DCTN1: variants seen among roughly 807,000 people sequenced by gnomAD.
DCTN1 encodes dynactin subunit 1.
A neutral mutation model predicts 161.2 loss-of-function variants in DCTN1; 61 were observed. That is an observed-to-expected ratio of 0.38 (90% CI 0.31 to 0.47). The LOEUF (loss-of-function observed/expected upper bound fraction) is 0.47, where lower values mean the gene tolerates loss of function less well. DCTN1 is among the 20% of genes least tolerant of loss of function. The pLI, the probability that DCTN1 is intolerant of heterozygous loss-of-function variation, is 0.99. For missense variants in DCTN1, 1,404 were observed against 1,623.7 expected (o/e 0.86, Z 2.33); for synonymous variants, 653 against 632.4 (o/e 1.03, Z -0.49).
Position 74,362,723 on chromosome 2 carries a change from T to C in DCTN1, c.3536A>G (p.Lys1179Arg), listed in dbSNP as rs1296425869. 4 of 1,613,960 alleles carry C rather than the reference T, an allele frequency of 2.5e-6. No individual in the cohort carries two copies. Among genetic ancestry groups the C allele is most frequent in the South Asian group, 1.1e-5 (1 of 91,042 alleles). ...VDITRTSPAAKSPSAQLMEQV... is the reference protein window; with the variant it reads ...VDITRTSPAARSPSAQLMEQV... ...CTCCATAAGTTGGGCCGACGGGCTC[T>C]TGGCAGCTGTGGGGAGAGAAAGCTG... Residue 1179 changes from lysine to arginine, a missense_variant, in exon 30 of 32, where the codon AAG becomes AGG. Coordinates refer to ENST00000628224, the MANE Select transcript of DCTN1 (RefSeq NM_004082.5).
rs564622531 is a variant in DCTN1 at position 74,390,305 on chromosome 2, A to G, written c.-19+1489T>C. 1.4e-3 allele frequency among the ~76,000 whole-genome samples: 209 copies of G among 152,020 alleles called. 1 individual carries two copies. The highest frequency in any genetic ancestry group is 2.5e-3 in the Non-Finnish European group (170 of 68,038). Reference sequence around the variant, plus strand: ...ACGGGTAACACTTCTTTCCTGTTTGATTGTTAAGAGATAATCTAGGACCAA... The same window carrying G: ...ACGGGTAACACTTCTTTCCTGTTTGGTTGTTAAGAGATAATCTAGGACCAA... On this transcript the variant is annotated intron_variant, in intron 1 of 27. Transcript: ENST00000409240.
chr2:74,391,646 C>CA (rs1465289406), intron 1 of DCTN1: 10 of 367,376 alleles, frequency 2.7e-5, no homozygotes. Context: ...GGCAAACGCT[C>CA]AGGCGGAGCC....
intron 31 of DCTN1, 134 bp downstream of exon 31, chr2:74,361,918 A>C: frequency 1.0e-6 from 1 of 966,436 alleles, no homozygotes; most frequent in Non-Finnish European, 1.6e-6. Context: ...CTTGTAAGTA[A>C]AATTTGGCCA....
rs201914453 is a variant in DCTN1, at chr2:74,366,003, G to T, written c.2776C>A (p.Leu926Met). The change falls in exon 24 of 32, where the codon CTG becomes ATG. Residue 926 changes from leucine to methionine, a missense_variant. Physicochemically the swap from Leu to Met is conservative, Grantham distance 15 (BLOSUM62 2). Around this residue, in one of 9 missense-constraint regions of DCTN1, gnomAD observed 475 missense variants for 489.8 expected, o/e 0.97. Coordinates refer to ENST00000628224, the MANE Select transcript of DCTN1 (RefSeq NM_004082.5). ...RPPSKPPPVE[L>M]RAAALRAEIT... ...TCTGCACGAAGGGCAGCAGCCCGCA[G>T]TTCAACCGGTGGAGGCTAAGGAATG... 1 of 1,614,254 alleles carries T rather than the reference G, an allele frequency of 6.2e-7. No homozygotes were observed. The highest frequency in any genetic ancestry group is 1.3e-5 in the African/African-American group (1 of 75,064).
At chr2:74,362,766 G>A (rs554095476) in intron 29 of DCTN1, 37 bp from the exon 30 acceptor site, 21 of 1,596,106 alleles carry the variant, frequency 1.3e-5, no homozygotes, top group South Asian at 8.9e-5. Context: ...CCACCAAGGC[G>A]CAGGCAGGCA....
Position 74,366,367 on chromosome 2 carries a change from C to T in DCTN1, c.2637G>A (p.Gly879=). Residue 879 remains glycine, a synonymous_variant, in exon 23 of 32, where the codon GGG becomes GGA. Transcript: ENST00000628224. ...ACTCATAGGGGCTGCTGGAGGGGGT[C>T]CCATAGATCTGCAGGAGCCAAGGGC... The part of the protein sequence containing the change: ...LAFKASEQIY[G]TPSSSPYECL... 1 of 1,614,214 alleles carries T rather than the reference C, an allele frequency of 6.2e-7. No individual in the cohort carries two copies. Among genetic ancestry groups the T allele is most frequent in the South Asian group, 1.1e-5 (1 of 91,090 alleles).
chr2:74,363,573 T>A lies in DCTN1; in HGVS notation c.3211+41A>T, dbSNP rs767318921. 16 of 1,611,252 alleles carry A rather than the reference T, an allele frequency of 9.9e-6. No individual in the cohort carries two copies. The Admixed American group carries it at 2.7e-4, about 27-fold the overall frequency. Reference sequence around the variant, plus strand: ...TCCACCCTGCTCCCTTAGCTCCAACTCCCACCAGCCTGGTAACCCCCGGCC... The same window carrying A: ...TCCACCCTGCTCCCTTAGCTCCAACACCCACCAGCCTGGTAACCCCCGGCC... On this transcript the variant is annotated intron_variant, in intron 27 of 31. Coordinates refer to ENST00000628224, the MANE Select transcript of DCTN1 (RefSeq NM_004082.5).
At position 74,367,857 on chromosome 2, in the gene DCTN1, A is replaced by G; in HGVS notation, c.2023T>C (p.Ser675Pro). Residue 675 changes from serine (S) to proline (P), a missense_variant, in exon 18 of 32, where the codon TCT becomes CCT. Ser to Pro is a moderately conservative substitution (Grantham distance 74). Around this residue, in one of 9 missense-constraint regions of DCTN1, gnomAD observed 475 missense variants for 489.8 expected, o/e 0.97. Coordinates refer to ENST00000628224, the MANE Select transcript of DCTN1 (RefSeq NM_004082.5). Reference protein sequence around the residue: ...ATLHRYEHALSQCSVDVYKKV... With the variant: ...ATLHRYEHALPQCSVDVYKKV... ...TTATACACATCCACACTGCACTGAG[A>G]GAGGGCACTAGAGACCAGAGAAGGG... is the stretch of plus-strand genomic sequence containing the variant. The G allele has an allele frequency of 6.2e-7, 1 of 1,614,214 alleles. No individual in the cohort carries two copies. Among genetic ancestry groups the G allele is most frequent in the Non-Finnish European group, 8.5e-7 (1 of 1,180,040 alleles).
chr2:74,374,529 C>T (rs531368793), intron 5 of DCTN1, 189 bp from the exon 6 acceptor site: 302 of 1,410,778 alleles, frequency 2.1e-4, no homozygotes, highest in African/African-American at 1.5e-3. Context: ...CCTCCCGGTG[C>T]GGCAGCTTCC....
At position 74,378,644 on chromosome 2, in the gene DCTN1, G is replaced by A. The variant is rs557448768; in HGVS notation, c.34-399C>T. On this transcript the variant is annotated intron_variant, in intron 1 of 31. Transcript: ENST00000628224. ...CACAACCCAATGCCCTGACTCAGGA[G>A]TCTGAGCTGGGAAGACAGGCAATTC... Among the ~76,000 whole-genome samples, 8 of 152,324 alleles carry A rather than the reference G, an allele frequency of 5.3e-5. No homozygotes were observed. In the South Asian group the frequency reaches 8.3e-4, roughly 16 times the overall value.
chr2:74,381,876 A>G (rs1367240389), upstream of DCTN1, among the ~76,000 whole-genome samples: 1 of 152,254 alleles, frequency 6.6e-6, no homozygotes, highest in South Asian at 2.1e-4. Flanking sequence ...AGTGCTAAAT[A>G]AAAGTTAGCT....
rs13017253 is a variant in DCTN1, at chr2:74,371,164, G to A, written c.658C>T (p.Leu220=). Residue 220 remains leucine, a synonymous_variant, in exon 9 of 32, where the codon CTA becomes TTA. Transcript: ENST00000628224. ...LPSPSKEEEG[L]RAQVRDLEEK... ...TCCAGGTCCCGCACCTGAGCCCTTA[G>A]TCCCTCCTCCTCCTGCAAAGGAGAG... The A allele has an allele frequency of 1.9e-6, 3 of 1,613,690 alleles. No homozygotes were observed. Among genetic ancestry groups the A allele is most frequent in the Non-Finnish European group, 1.7e-6 (2 of 1,180,042 alleles).
intron 6 of DCTN1, 181 bp from the exon 7 acceptor site, chr2:74,373,129 T>C: frequency 1.5e-6 from 1 of 680,122 alleles, no homozygotes; most frequent in Non-Finnish European, 2.7e-6. Context: ...TATTCCTACT[T>C]CAGGAACCCA....
intron 23 of DCTN1, 93 bp from the exon 24 acceptor site, chr2:74,366,111 C>T: frequency 1.2e-6 from 2 of 1,611,804 alleles, no homozygotes; most frequent in Non-Finnish European, 1.7e-6. Context: ...ACAGGGAAAA[C>T]CCTGCCTTCT....
exon 1 of DCTN1, chr2:74,391,835 A>ACGACCGACGCCCAAGACCCTGCGGGGC (rs1558957921): frequency 2.0e-5 from 9 of 453,576 alleles, no homozygotes; most frequent in Non-Finnish European, 3.5e-5. Context: ...GACCCCACCG[A>ACGACCGACGCCCAAGACCCTGCGGGGC]CGACCGACGC....
chr2:74,372,738 T>TAAAAGCC (rs776987411), intron 7 of DCTN1, among the ~76,000 whole-genome samples, 190 bp downstream of exon 7: 8 of 152,226 alleles, frequency 5.3e-5, no homozygotes, highest in Non-Finnish European at 8.8e-5. Context: ...GACAACCTCC[T>TAAAAGCC]AAAAGCCAAA....
chr2:74,376,099 C>G (rs1204080825), intron 5 of DCTN1, among the ~76,000 whole-genome samples: 2 of 151,974 alleles, frequency 1.3e-5, no homozygotes. Flanking sequence ...GGGGAGGGGA[C>G]GTGACATGAT....
chr2:74,373,127 C>T, intron 6 of DCTN1, 179 bp from the exon 7 acceptor site: 1 of 677,498 alleles, frequency 1.5e-6, no homozygotes, highest in Non-Finnish European at 2.7e-6. Context: ...TGTATTCCTA[C>T]TTCAGGAACC....
chr2:74,363,765 C>G, intron 26 of DCTN1, 137 bp from the exon 27 acceptor site: 1 of 1,165,694 alleles, frequency 8.6e-7, no homozygotes, highest in Non-Finnish European at 1.3e-6. Context: ...CATACTTTCT[C>G]TAACAAGACT....
Sources: gnomAD v4.1 joint callset for allele counts (sites outside exome capture counted in the v4.1 genomes callset) on GRCh38, gnomAD v4.1.1 for gene constraint, gnomAD v4.1.1 regional missense constraint, MANE v1.5 for transcripts, NCBI Gene and HGNC (gene_info 2026-07-23, HGNC 2026-07-21) for gene names.